The following MYPN variants were observed in gnomAD, a reference collection of about 807,000 sequenced individuals.
MYPN encodes myopalladin, also known as sarcomeric protein myopalladin, 145 kDa (MYOP).
MYPN carries 63 observed loss-of-function variants against 129.4 expected under a neutral mutation model. The ratio of observed to expected loss-of-function variants is 0.49; its 90% CI spans 0.40 to 0.60. The LOEUF is 0.60. Ranked by LOEUF, MYPN falls within the 20% of genes least tolerant of loss-of-function variation. The pLI is 0.00. For missense variants in MYPN, 1,596 were observed against 1,635.4 expected, an observed-to-expected ratio of 0.98 and a Z score of 0.42; for synonymous variants, 629 against 600.9, an observed-to-expected ratio of 1.05 and a Z score of -0.68.
chr10:68,118,469 G>T (rs2042189545), intron 1 of MYPN, among the ~76,000 whole-genome samples: 1 of 152,304 alleles, frequency 6.6e-6, no homozygotes, highest in South Asian at 2.1e-4. Flanking sequence ...CAAGGCCAAT[G>T]CTCATTCCAT....
At chr10:68,089,330 C>A (rs921178329) in intron 1 of MYPN, among the ~76,000 whole-genome samples, 3 of 151,804 alleles carry the variant, frequency 2.0e-5, no homozygotes, top group Non-Finnish European at 2.9e-5. Flanking sequence ...CTTTGCCTGG[C>A]CTGTTTTTTG....
At chr10:68,192,457 C>CTGTTGT (rs554010035) in intron 13 of MYPN, among the ~76,000 whole-genome samples, 2,103 of 145,232 alleles carry the variant, frequency 0.014, 22 homozygotes, top group Middle Eastern at 0.052. Flanking sequence ...ACCTGTAGTT[C>CTGTTGT]TGTTGTTGTT....
At chr10:68,161,637 A>G in intron 7 of MYPN, 92 bp from the exon 8 acceptor site, 1 of 973,772 alleles carries the variant, frequency 1.0e-6, no homozygotes, top group Non-Finnish European at 1.6e-6. Context: ...TGAGTGTGCA[A>G]GAGACTGTGA....
At chr10:68,151,698 A>G (rs1285579358) in intron 6 of MYPN, among the ~76,000 whole-genome samples, 1 of 152,170 alleles carries the variant, frequency 6.6e-6, no homozygotes, top group Non-Finnish European at 1.5e-5. Context: ...GTTTATACTC[A>G]GTCTCAGCTA....
Position 68,211,950 on chromosome 10 carries a change from G to A in MYPN, c.*1495G>A, listed in dbSNP as rs979817843. 8.1e-6 allele frequency: 3 copies of A among 372,018 alleles called. No homozygotes were observed. The highest frequency in any genetic ancestry group is 7.3e-5 in the East Asian group (1 of 13,646). The allele number at this position is 372,018 out of a possible 1,614,324, so 23.0% of individuals were successfully genotyped here. ...TGAACAGACAGTAACTGCTTAGAAA[G>A]GCTTGAAACTGTCTTCACTTCAAGG... On this transcript the variant is annotated 3_prime_UTR_variant, in exon 20 of 20. Coordinates refer to ENST00000358913, the MANE Select transcript of MYPN (RefSeq NM_032578.4).
At chr10:68,173,526 C>A (rs1434395971) in intron 10 of MYPN, among the ~76,000 whole-genome samples, 1 of 152,154 alleles carries the variant, frequency 6.6e-6, no homozygotes, top group Admixed American at 6.5e-5. Flanking sequence ...TATTGATCAG[C>A]TGATTTCTTG....
At chr10:68,168,257 T>TA (rs1375989714) in intron 10 of MYPN, among the ~76,000 whole-genome samples, 1 of 152,108 alleles carries the variant, frequency 6.6e-6, no homozygotes, top group Admixed American at 6.5e-5. Flanking sequence ...ACTCAACTGT[T>TA]AGAGGATTTA....
chr10:68,160,447 A>C (rs1385070362), intron 7 of MYPN, among the ~76,000 whole-genome samples: 1 of 151,018 alleles, frequency 6.6e-6, no homozygotes, highest in African/African-American at 2.4e-5. Context: ...AAAAAAAAAA[A>C]AAAAAAAACA....
At chr10:68,099,065 C>G (rs760293750) in intron 1 of MYPN, among the ~76,000 whole-genome samples, 8 of 152,228 alleles carry the variant, frequency 5.3e-5, no homozygotes, top group Non-Finnish European at 7.4e-5. Context: ...ATAAAATAAT[C>G]TATAACCACC....
chr10:68,207,280 T>C (rs1330084090), intron 19 of MYPN, among the ~76,000 whole-genome samples: 1 of 152,064 alleles, frequency 6.6e-6, no homozygotes, highest in African/African-American at 2.4e-5. Flanking sequence ...TAAATAAATA[T>C]AGATGGAATA....
chr10:68,174,718 T>C, intron 11 of MYPN, 62 bp downstream of exon 11: 1 of 1,443,288 alleles, frequency 6.9e-7, no homozygotes, highest in Admixed American at 1.7e-5. Context: ...GCACATTGAA[T>C]AGCTTGATCT....
chr10:68,144,310 T>A (rs1000388618), intron 3 of MYPN, among the ~76,000 whole-genome samples: 1 of 152,234 alleles, frequency 6.6e-6, no homozygotes, highest in Non-Finnish European at 1.5e-5. Flanking sequence ...ATACCTTATG[T>A]ATGCCTTGGT....
chr10:68,202,292 G>C (rs1182871659), intron 18 of MYPN, among the ~76,000 whole-genome samples: 1 of 152,088 alleles, frequency 6.6e-6, no homozygotes, highest in Non-Finnish European at 1.5e-5. Flanking sequence ...AATTAGCCAG[G>C]CGTGGTAGCA....
intron 7 of MYPN, among the ~76,000 whole-genome samples, 178 bp downstream of exon 7, chr10:68,158,805 T>C (rs2042925071): frequency 1.3e-5 from 2 of 152,220 alleles, no homozygotes; most frequent in Non-Finnish European, 2.9e-5. Context: ...TTTCCATGCA[T>C]AGTTTTTAAA....
Position 68,211,414 on chromosome 10 carries a change from A to T in MYPN, c.*959A>T. ...AAACAAGGAGAGGAAATGATGGGAG[A>T]GTGTTGTTTTTGTCACTTGCCCCAG... On this transcript the variant is annotated 3_prime_UTR_variant, in exon 20 of 20. Transcript: ENST00000358913. 2.2e-6 allele frequency: 1 copy of T among 453,990 alleles called. No homozygotes were observed. The highest frequency in any genetic ancestry group is 4.4e-6 in the Non-Finnish European group (1 of 226,762). 28.1% of individuals were successfully genotyped at this position (453,990 alleles called of 1,614,324 possible). A position where few individuals can be genotyped will look rare whatever the true frequency, so the allele number is the denominator to read the frequency against.
chr10:68,186,122 A>T (rs960198219), intron 12 of MYPN, among the ~76,000 whole-genome samples: 2 of 152,256 alleles, frequency 1.3e-5, no homozygotes, highest in Non-Finnish European at 2.9e-5. Context: ...AGAATCCAGT[A>T]ACAATCTTTT....
intron 12 of MYPN, among the ~76,000 whole-genome samples, chr10:68,176,557 C>T (rs7069095): frequency 0.95 from 144,438 of 152,272 alleles, 68,959 homozygotes; most frequent in Middle Eastern, 1. Context: ...TATAGTAATT[C>T]GCAATTGTGT....
In MYPN at chr10:68,109,707, C is replaced by G. The variant is rs1159304336; in HGVS notation, c.-18C>G. 8.8e-6 allele frequency: 4 copies of G among 452,068 alleles called. No homozygotes were observed. In the East Asian group the frequency reaches 2.1e-4, roughly 24 times the overall value. 28.0% of individuals were successfully genotyped at this position (452,068 alleles called of 1,614,324 possible). ...CTGGATTGGACATCCTCATCTGGGT[C>G]AACTAAAAAAAGAAAGGTAATATCC... is the stretch of plus-strand genomic sequence containing the variant. On this transcript the variant is annotated 5_prime_UTR_variant, in exon 1 of 20. Coordinates refer to ENST00000358913, the MANE Select transcript of MYPN (RefSeq NM_032578.4).
At chr10:68,155,637 G>A (rs191879090) in intron 6 of MYPN, among the ~76,000 whole-genome samples, 1 of 152,332 alleles carries the variant, frequency 6.6e-6, no homozygotes, top group Non-Finnish European at 1.5e-5. Context: ...TGTGATGAAC[G>A]TGATGACAGC....
Sources: gnomAD v4.1 joint callset for allele counts (sites outside exome capture counted in the v4.1 genomes callset) on GRCh38, gnomAD v4.1.1 for gene constraint, MANE v1.5 for transcripts, NCBI Gene and HGNC (gene_info 2026-07-23, HGNC 2026-07-21) for gene names.